The following PPP2R2B variants were observed in gnomAD, a reference collection of about 807,000 sequenced individuals.
The protein encoded by PPP2R2B is protein phosphatase 2 regulatory subunit Bbeta.
In PPP2R2B, 5 loss-of-function variants were observed where a neutral mutation model predicts 46.0. The ratio of observed to expected loss-of-function variants is 0.11; its 90% CI spans 0.06 to 0.23. The LOEUF is 0.23. PPP2R2B is among the 10% of genes least tolerant of loss of function. The pLI, the probability that PPP2R2B is intolerant of heterozygous loss-of-function variation, is 1.00. For missense variants in PPP2R2B, 367 were observed against 575.0 expected (o/e 0.64, Z 3.70); for synonymous variants, 215 against 206.7 (o/e 1.04, Z -0.34).
At chr5:147,012,748 T>C (rs1754803840) in intron 1 of PPP2R2B, among the ~76,000 whole-genome samples, 2 of 151,840 alleles carry the variant, frequency 1.3e-5, no homozygotes, top group Admixed American at 6.6e-5. Flanking sequence ...CACACTGCTT[T>C]GAATGCGTCC....
chr5:146,731,479 G>A (rs1752226267), intron 2 of PPP2R2B, among the ~76,000 whole-genome samples: 1 of 152,208 alleles, frequency 6.6e-6, no homozygotes, highest in African/African-American at 2.4e-5. Context: ...AGGCCAACTT[G>A]CATTTCTGTA....
chr5:146,626,192 G>A (rs1774053951), intron 7 of PPP2R2B, among the ~76,000 whole-genome samples: 2 of 151,576 alleles, frequency 1.3e-5, no homozygotes, highest in African/African-American at 4.8e-5. Flanking sequence ...GAGAGAAAGA[G>A]GTGAACTTTG....
chr5:146,715,912 C>A (rs924153683), intron 2 of PPP2R2B, among the ~76,000 whole-genome samples: 10 of 152,228 alleles, frequency 6.6e-5, no homozygotes, highest in Admixed American at 4.6e-4. Flanking sequence ...TCAGTCTTCA[C>A]TTTTCCATCA....
At chr5:146,765,574 ATAGT>A (rs1360006272) in intron 2 of PPP2R2B, among the ~76,000 whole-genome samples, 1 of 152,238 alleles carries the variant, frequency 6.6e-6, no homozygotes, top group Non-Finnish European at 1.5e-5. Context: ...TAAATTATAA[ATAGT>A]TAAACTGTGC....
chr5:147,067,441 ACAT>A (rs1178632795), intron 2 of PPP2R2B, among the ~76,000 whole-genome samples: 1 of 152,108 alleles, frequency 6.6e-6, no homozygotes, highest in African/African-American at 2.4e-5. Flanking sequence ...GCTTCACTTA[ACAT>A]CATGTCCTCT....
intron 1 of PPP2R2B, among the ~76,000 whole-genome samples, chr5:146,916,348 G>A (rs1763384977): frequency 6.7e-6 from 1 of 148,534 alleles, no homozygotes. Flanking sequence ...GTATATAGTA[G>A]GTCTCATTAT....
intron 4 of PPP2R2B, among the ~76,000 whole-genome samples, chr5:146,695,304 C>T (rs1247341989): frequency 6.6e-6 from 1 of 151,884 alleles, no homozygotes; most frequent in Non-Finnish European, 1.5e-5. Flanking sequence ...TTTCCATGAA[C>T]ATGTACTAAT....
intron 1 of PPP2R2B, among the ~76,000 whole-genome samples, chr5:146,912,797 G>A (rs1454171413): frequency 1.3e-5 from 2 of 151,988 alleles, no homozygotes; most frequent in African/African-American, 2.4e-5. Flanking sequence ...GTGAGCCACC[G>A]CACCCGGCCT....
At chr5:146,779,105 T>C (rs1039768072) in intron 2 of PPP2R2B, among the ~76,000 whole-genome samples, 3 of 152,206 alleles carry the variant, frequency 2.0e-5, no homozygotes, top group Non-Finnish European at 4.4e-5. Context: ...TCAAAGAAAG[T>C]AGCTGGAAAT....
At chr5:146,598,438 C>T (rs1771434224) in intron 8 of PPP2R2B, among the ~76,000 whole-genome samples, 1 of 152,190 alleles carries the variant, frequency 6.6e-6, no homozygotes, top group Admixed American at 6.5e-5. Context: ...AGATCTCATC[C>T]AGTCCTATGG....
rs181836190 is a variant in PPP2R2B at position 146,987,779 on chromosome 5, A to G, written c.79+67886T>C. On this transcript the variant is annotated intron_variant, in intron 1 of 8. Transcript: ENST00000336640. Reference sequence around the variant, plus strand: ...CAGTAGTAAGTTCTTACTACTATTTATAATAACCTTGAATATATATGGACT... The same window carrying G: ...CAGTAGTAAGTTCTTACTACTATTTGTAATAACCTTGAATATATATGGACT... Among the ~76,000 whole-genome samples the G allele has an allele frequency of 2.0e-5, 3 of 152,090 alleles. 1 individual carries two copies. The highest frequency in any genetic ancestry group is 2.0e-4 in the Admixed American group (3 of 15,276).
At chr5:146,854,372 T>C (rs962544298) in intron 2 of PPP2R2B, among the ~76,000 whole-genome samples, 17 of 152,178 alleles carry the variant, frequency 1.1e-4, no homozygotes, top group Non-Finnish European at 1.0e-4. Flanking sequence ...GATCAAGTTA[T>C]GGTATTCGGG....
intron 7 of PPP2R2B, chr5:146,607,214 A>G (rs74679375): frequency 6.7e-4 from 102 of 152,294 alleles, no homozygotes; most frequent in African/African-American, 2.4e-3. Context: ...CAATTTTCCC[A>G]CAGAGGGTAA....
chr5:146,842,651 C>T, intron 2 of PPP2R2B, among the ~76,000 whole-genome samples: 1 of 152,108 alleles, frequency 6.6e-6, no homozygotes, highest in Non-Finnish European at 1.5e-5. Context: ...TACCTCTCCT[C>T]CTCTGGTAGG....
rs967958922 is a variant in PPP2R2B at position 146,581,131 on chromosome 5, G to A, written c.*8816C>T. ...CTTGCATTGCTATAAAGAAAAACCC[G>A]AGACTGGGTAATTTGTAAAGGAATG... is the stretch of plus-strand genomic sequence containing the variant. On this transcript the variant is annotated 3_prime_UTR_variant, in exon 10 of 10. Transcript: ENST00000394411. 1.2e-4 allele frequency: 18 copies of A among 152,222 alleles called. No homozygotes were observed. Among genetic ancestry groups the A allele is most frequent in the Middle Eastern group, 6.8e-3 (2 of 294 alleles). The allele number at this position is 152,222 out of a possible 1,614,324, so 9.4% of individuals were successfully genotyped here. A position where few individuals can be genotyped will look rare whatever the true frequency, so the allele number is the denominator to read the frequency against.
chr5:146,657,648 C>G (rs1202888088), intron 5 of PPP2R2B, among the ~76,000 whole-genome samples: 2 of 149,722 alleles, frequency 1.3e-5, no homozygotes, highest in South Asian at 2.2e-4. Context: ...CTGAATCTTA[C>G]TAAGGTGTAC....
At chr5:146,684,189 C>G (rs1778350588) in intron 5 of PPP2R2B, among the ~76,000 whole-genome samples, 1 of 152,042 alleles carries the variant, frequency 6.6e-6, no homozygotes, top group Non-Finnish European at 1.5e-5. Flanking sequence ...GGATGTGAAG[C>G]CCCCAGAGCA....
chr5:146,707,051 C>T (rs1779908545), intron 2 of PPP2R2B: 1 of 1,126,356 alleles, frequency 8.9e-7, no homozygotes, highest in Non-Finnish European at 1.3e-6. Context: ...TTCTCCGTCT[C>T]TGTACTCTTA....
chr5:146,820,076 G>C (rs1198939595), intron 2 of PPP2R2B, among the ~76,000 whole-genome samples: 1 of 152,146 alleles, frequency 6.6e-6, no homozygotes, highest in Non-Finnish European at 1.5e-5. Flanking sequence ...GATTGGGAGA[G>C]GTTGGTCAAT....
Sources: allele counts gnomAD v4.1 joint callset (sites outside exome capture counted in the v4.1 genomes callset), GRCh38; gene constraint gnomAD v4.1.1; transcripts MANE v1.5; gene names NCBI Gene and HGNC (gene_info 2026-07-23, HGNC 2026-07-21).